Variants in SVEP1 observed in about 807,000 individuals in gnomAD.
SVEP1 encodes sushi, von Willebrand factor type A, EGF and pentraxin domain-containing protein 1.
SVEP1 carries 164 observed loss-of-function variants against 367.3 expected under a neutral mutation model. The observed-to-expected ratio is 0.45, with a 90% CI of 0.39 to 0.51. The LOEUF is 0.51. Ranked by LOEUF, SVEP1 falls within the 20% of genes least tolerant of loss-of-function variation. SVEP1 has a pLI of 0.00. For synonymous variants in SVEP1, 1,666 were observed against 1,611.6 expected (o/e 1.03, Z -0.81); for missense variants, 4,117 against 4,425.3 (o/e 0.93, Z 1.98).
At chr9:110,517,339 T>C (rs1167507143) in intron 3 of SVEP1, among the ~76,000 whole-genome samples, 1 of 152,052 alleles carries the variant, frequency 6.6e-6, no homozygotes, top group Non-Finnish European at 1.5e-5. Context: ...GGCTCATGCC[T>C]ATAATCCCAG....
intron 36 of SVEP1, among the ~76,000 whole-genome samples, chr9:110,411,994 A>G (rs771389432): frequency 1.3e-5 from 2 of 152,224 alleles, no homozygotes; most frequent in African/African-American, 4.8e-5. Context: ...TGACTCTTTG[A>G]ATATTGAGCT....
At chr9:110,503,339 G>GAC in intron 5 of SVEP1, 122 bp from the exon 6 acceptor site, 1 of 937,616 alleles carries the variant, frequency 1.1e-6, no homozygotes, top group Non-Finnish European at 1.6e-6. Context: ...AATAGCAAAC[G>GAC]ACACATAATA....
At position 110,579,241 on chromosome 9, in the gene SVEP1, G is replaced by C. The variant is rs1830662801; in HGVS notation, c.303C>G (p.Ser101Arg). 6.4e-7 allele frequency: 1 copy of C among 1,570,092 alleles called. No homozygotes were observed. Among genetic ancestry groups the C allele is most frequent in the Admixed American group, 1.9e-5 (1 of 53,414 alleles). The stretch of plus-strand genomic sequence containing the variant: ...GCAGCTTGCGGACGAACATGAGCTC[G>C]CTGCGGAAGTTGACTTCGCCCACGC... ...SSSVGEVNFR[S>R]ELMFVRKLLS... Residue 101 changes from serine to arginine, a missense_variant, in exon 1 of 48, where the codon AGC becomes AGG. Around this residue, in one of 4 missense-constraint regions of SVEP1, gnomAD observed 161 missense variants for 122.4 expected, o/e 1.32. Transcript: ENST00000374469. This position sits in a 1 kb window ranked among gnomAD's most constrained non-coding sequence, Gnocchi z 5.3.
intron 14 of SVEP1, among the ~76,000 whole-genome samples, chr9:110,475,614 C>A (rs1829088473): frequency 6.6e-6 from 1 of 151,444 alleles, no homozygotes; most frequent in South Asian, 2.1e-4. Context: ...TGGCTCACTG[C>A]AGCCTCGAAC....
In SVEP1 at chr9:110,423,879, C is replaced by T. The variant is rs189825294; in HGVS notation, c.5975+3712G>A. On this transcript the variant is annotated intron_variant, in intron 36 of 47. Transcript: ENST00000374469. Reference sequence around the variant, plus strand: ...CAATAACCCTTTGGAAGGTTGTATACCCAGTTAAACTACAATTTGAGAAGT... The same window carrying T: ...CAATAACCCTTTGGAAGGTTGTATATCCAGTTAAACTACAATTTGAGAAGT... 1.4e-4 allele frequency among the ~76,000 whole-genome samples: 21 copies of T among 152,232 alleles called. No individual in the cohort carries two copies. The East Asian group carries it at 3.1e-3, about 22-fold the overall frequency.
chr9:110,566,548 G>A (rs1045088726), intron 1 of SVEP1, among the ~76,000 whole-genome samples: 2 of 152,022 alleles, frequency 1.3e-5, no homozygotes, highest in African/African-American at 4.8e-5. Context: ...CAATTACAAT[G>A]CAACCAACAT....
chr9:110,429,640 A>G (rs932429543), intron 34 of SVEP1, among the ~76,000 whole-genome samples: 1 of 152,160 alleles, frequency 6.6e-6, no homozygotes, highest in Non-Finnish European at 1.5e-5. Flanking sequence ...CTGAGACATC[A>G]AGAGTATTCA....
intron 3 of SVEP1, among the ~76,000 whole-genome samples, chr9:110,521,668 C>T (rs1209106825): frequency 6.6e-6 from 1 of 152,126 alleles, no homozygotes; most frequent in African/African-American, 2.4e-5. Context: ...TTGTTGAAAG[C>T]TCTGTATTCT....
chr9:110,496,825 G>A lies in SVEP1; in HGVS notation c.1790C>T (p.Ser597Phe). 1 of 1,554,578 alleles carries A rather than the reference G, an allele frequency of 6.4e-7. No individual in the cohort carries two copies. The highest frequency in any genetic ancestry group is 8.7e-7 in the Non-Finnish European group (1 of 1,147,672). ...TTGCACAAACCTTACCTTTTCACCAGAGTTGTCTTTAGCTGTTGGAATCTG... is the reference window on the plus strand; with the variant it reads ...TTGCACAAACCTTACCTTTTCACCAAAGTTGTCTTTAGCTGTTGGAATCTG... ...TWQIPTAKDN[S>F]GEKVSVHVHP... The change falls in exon 8 of 48, where the codon TCT becomes TTT. Residue 597 changes from serine to phenylalanine, a missense_variant. Ser to Phe is a radical substitution (Grantham distance 155). Transcript: ENST00000374469.
chr9:110,470,585 A>G (rs2118666836), intron 16 of SVEP1, among the ~76,000 whole-genome samples: 1 of 151,940 alleles, frequency 6.6e-6, no homozygotes, highest in African/African-American at 2.4e-5. Flanking sequence ...GGCATGTGCC[A>G]TCATGCTTGG....
intron 14 of SVEP1, among the ~76,000 whole-genome samples, chr9:110,475,149 C>T (rs1335440838): frequency 6.6e-6 from 1 of 151,814 alleles, no homozygotes. Flanking sequence ...TAAACATATG[C>T]ACAAATGATA....
intron 46 of SVEP1, among the ~76,000 whole-genome samples, chr9:110,372,137 C>A (rs1429861230): frequency 1.3e-5 from 2 of 152,166 alleles, no homozygotes; most frequent in African/African-American, 4.8e-5. Flanking sequence ...TTTTGTGGTC[C>A]ATGCCTTTAG....
intron 3 of SVEP1, among the ~76,000 whole-genome samples, chr9:110,516,166 T>G (rs1290777962): frequency 2.7e-5 from 4 of 148,978 alleles, no homozygotes; most frequent in Non-Finnish European, 4.5e-5. Flanking sequence ...ATACTAAAAC[T>G]AAATCATATA....
intron 35 of SVEP1, among the ~76,000 whole-genome samples, chr9:110,428,891 C>T (rs1301306255): frequency 2.0e-5 from 3 of 151,998 alleles, no homozygotes; most frequent in Admixed American, 6.6e-5. Context: ...GACAAAATGG[C>T]GAAACCCACA....
intron 44 of SVEP1, among the ~76,000 whole-genome samples, chr9:110,378,647 G>T (rs1192655508): frequency 2.0e-5 from 3 of 151,590 alleles, no homozygotes; most frequent in South Asian, 2.1e-4. Context: ...CATTGCTTTT[G>T]GTGTTTTAGA....
intron 9 of SVEP1, among the ~76,000 whole-genome samples, chr9:110,488,716 C>T (rs1421357453): frequency 1.4e-5 from 2 of 148,090 alleles, no homozygotes; most frequent in Non-Finnish European, 3.0e-5. Context: ...TAAAAAAAAA[C>T]AAAACAAATT....
chr9:110,574,743 CTTTT>C (rs1163833465), intron 1 of SVEP1, among the ~76,000 whole-genome samples: 40 of 84,760 alleles, frequency 4.7e-4, no homozygotes, highest in African/African-American at 1.6e-3. Flanking sequence ...AGTCGACCTT[CTTTT>C]TTTTTTTTTT....
chr9:110,571,809 T>G (rs1201079373), intron 1 of SVEP1, among the ~76,000 whole-genome samples: 2 of 152,182 alleles, frequency 1.3e-5, no homozygotes, highest in Admixed American at 1.3e-4. Flanking sequence ...AGGCGGGGAC[T>G]CCAGTGGGCT....
chr9:110,372,580 C>T (rs776560125), intron 46 of SVEP1, among the ~76,000 whole-genome samples: 18 of 152,034 alleles, frequency 1.2e-4, no homozygotes, highest in Non-Finnish European at 2.1e-4. Context: ...AGTTGTGTAA[C>T]GTTTATAGAA....
Sources: gnomAD v4.1 joint callset for allele counts (sites outside exome capture counted in the v4.1 genomes callset) on GRCh38, gnomAD v4.1.1 for gene constraint, gnomAD v4.1.1 regional missense constraint, Gnocchi (gnomAD v3.1) non-coding constraint, MANE v1.5 for transcripts, NCBI Gene and HGNC (gene_info 2026-07-23, HGNC 2026-07-21) for gene names.